PRELID2: variants seen among roughly 807,000 people sequenced by gnomAD.
The protein encoded by PRELID2 is PRELI domain containing 2.
PRELID2 carries 25 observed loss-of-function variants against 28.4 expected under a neutral mutation model. That is an observed-to-expected ratio of 0.88 (90% CI 0.64 to 1.23). The LOEUF (loss-of-function observed/expected upper bound fraction) is 1.23, where lower values mean the gene tolerates loss of function less well. Among genes scored for constraint, PRELID2 ranks in the 50% most tolerant of loss-of-function variants. The pLI is 0.00. For missense variants in PRELID2, 201 were observed against 214.4 expected (o/e 0.94, Z 0.39); for synonymous variants, 76 against 71.6 (o/e 1.06, Z -0.31).
At chr5:145,595,390 G>C (rs1753290877) in intron 1 of PRELID2, among the ~76,000 whole-genome samples, 2 of 152,154 alleles carry the variant, frequency 1.3e-5, no homozygotes, top group Non-Finnish European at 2.9e-5. Flanking sequence ...GTGGGTTGTA[G>C]TTTGGAAGCA....
At chr5:145,428,598 G>A in the PRELID2 span, among the ~76,000 whole-genome samples, 1 of 152,122 alleles carries the variant, frequency 6.6e-6, no homozygotes, top group Admixed American at 6.5e-5. Flanking sequence ...ACAAGTTAAT[G>A]GGTGCAGCAC....
the PRELID2 span, among the ~76,000 whole-genome samples, chr5:145,408,046 A>G: frequency 6.6e-6 from 1 of 152,120 alleles, no homozygotes; most frequent in East Asian, 1.9e-4. Context: ...CAGAAGGGCA[A>G]CAACAATTAC....
intron 1 of PRELID2, among the ~76,000 whole-genome samples, chr5:145,612,787 A>G (rs1753635490): frequency 6.6e-6 from 1 of 152,190 alleles, no homozygotes; most frequent in Admixed American, 6.5e-5. Flanking sequence ...AATGTGGTTG[A>G]TTCATTTCTT....
intron 5 of PRELID2, among the ~76,000 whole-genome samples, chr5:145,784,024 G>A (rs1174501727): frequency 2.0e-5 from 3 of 152,142 alleles, no homozygotes; most frequent in Admixed American, 6.5e-5. Flanking sequence ...GTTCACACCT[G>A]TAATCCCAGC....
At chr5:145,681,925 C>T (rs1205643615) in intron 1 of PRELID2, among the ~76,000 whole-genome samples, 2 of 152,284 alleles carry the variant, frequency 1.3e-5, no homozygotes, top group East Asian at 3.9e-4. Flanking sequence ...TTTCAAGTGC[C>T]TGATGCTACA....
At chr5:145,353,554 G>A in the PRELID2 span, among the ~76,000 whole-genome samples, 1 of 152,242 alleles carries the variant, frequency 6.6e-6, no homozygotes, top group African/African-American at 2.4e-5. Context: ...CTGCATGGCT[G>A]AGGAGGCCTC....
At chr5:145,558,895 A>T (rs1450440169) in intron 1 of PRELID2, among the ~76,000 whole-genome samples, 1 of 152,228 alleles carries the variant, frequency 6.6e-6, no homozygotes, top group Admixed American at 6.5e-5. Context: ...ATAATCCAGC[A>T]AACCAACTCC....
chr5:145,710,957 A>C (rs977202408), intron 1 of PRELID2, among the ~76,000 whole-genome samples: 1 of 152,194 alleles, frequency 6.6e-6, no homozygotes, highest in African/African-American at 2.4e-5. Context: ...TGTTTCTAAG[A>C]GGATAATATT....
At chr5:145,297,467 T>G in the PRELID2 span, among the ~76,000 whole-genome samples, 1 of 151,924 alleles carries the variant, frequency 6.6e-6, no homozygotes, top group Non-Finnish European at 1.5e-5. Context: ...GGGACGTATC[T>G]CAAAATAATA....
intron 1 of PRELID2, among the ~76,000 whole-genome samples, chr5:145,614,036 T>G (rs930741782): frequency 1.8e-4 from 27 of 152,234 alleles, no homozygotes; most frequent in African/African-American, 6.3e-4. Flanking sequence ...CTCCTACATA[T>G]GGCTAGCCAA....
intron 5 of PRELID2, among the ~76,000 whole-genome samples, chr5:145,785,775 G>T (rs1168208103): frequency 6.6e-6 from 1 of 152,182 alleles, no homozygotes. Context: ...ACCCATCCTT[G>T]TGCCATCAGG....
At chr5:145,655,316 C>A (rs10052746) in intron 1 of PRELID2, among the ~76,000 whole-genome samples, 1 of 151,996 alleles carries the variant, frequency 6.6e-6, no homozygotes, top group South Asian at 2.1e-4. Flanking sequence ...TGAAAATGGC[C>A]GTACTGCCCA....
chr5:145,358,001 G>A, the PRELID2 span, among the ~76,000 whole-genome samples: 1 of 151,638 alleles, frequency 6.6e-6, no homozygotes, highest in Non-Finnish European at 1.5e-5. Flanking sequence ...TTTAATTCTA[G>A]TCTGCTCTTG....
the PRELID2 span, among the ~76,000 whole-genome samples, chr5:145,446,328 T>C: frequency 6.6e-6 from 1 of 151,998 alleles, no homozygotes; most frequent in Non-Finnish European, 1.5e-5. Flanking sequence ...ATAAGAGCTA[T>C]AAAGACAATT....
At chr5:145,808,165 A>G (rs146568842) in intron 4 of PRELID2, among the ~76,000 whole-genome samples, 16 of 152,292 alleles carry the variant, frequency 1.1e-4, no homozygotes, top group African/African-American at 3.8e-4. Flanking sequence ...GTATTTATTT[A>G]GGCTATTAGT....
intron 1 of PRELID2, among the ~76,000 whole-genome samples, chr5:145,674,244 T>C (rs908798083): frequency 1.2e-4 from 18 of 152,320 alleles, no homozygotes; most frequent in South Asian, 1.0e-3. Flanking sequence ...ATGTGCCATG[T>C]TGGCATGCTG....
At chr5:145,261,826 C>A in the PRELID2 span, among the ~76,000 whole-genome samples, 1 of 152,044 alleles carries the variant, frequency 6.6e-6, no homozygotes, top group Non-Finnish European at 1.5e-5. Flanking sequence ...AGCAATGGAT[C>A]CAAACCAAAA....
the PRELID2 span, among the ~76,000 whole-genome samples, chr5:145,281,525 G>A: frequency 6.6e-6 from 1 of 152,172 alleles, no homozygotes; most frequent in Non-Finnish European, 1.5e-5. Context: ...CATGTTACCT[G>A]CCTGGGTTAA....
intron 1 of PRELID2, among the ~76,000 whole-genome samples, chr5:145,568,940 A>G (rs1267549219): frequency 6.6e-6 from 1 of 152,270 alleles, no homozygotes; most frequent in East Asian, 1.9e-4. Context: ...TATTGCTGCC[A>G]TCATAAAGAA....
Sources: allele counts gnomAD v4.1 joint callset (sites outside exome capture counted in the v4.1 genomes callset), GRCh38; gene constraint gnomAD v4.1.1; transcripts MANE v1.5; gene names NCBI Gene and HGNC (gene_info 2026-07-23, HGNC 2026-07-21).